Variants in PXDN observed in about 807,000 individuals in gnomAD.
PXDN encodes the protein peroxidasin, also known as peroxidasin homolog.
In PXDN, 77 loss-of-function variants were observed where a neutral mutation model predicts 140.3. That is an observed-to-expected ratio of 0.55 (90% confidence interval 0.46 to 0.66). The LOEUF is 0.66. Ranked by LOEUF, PXDN falls within the 30% of genes least tolerant of loss-of-function variation. The pLI, the probability that PXDN is intolerant of heterozygous loss-of-function variation, is 0.00. For synonymous variants in PXDN, 911 were observed against 857.4 expected (o/e 1.06, Z -1.09); for missense variants, 1,838 against 2,039.5 (o/e 0.90, Z 1.90).
Position 1,634,076 on chromosome 2 carries a change from A to G in PXDN, c.*128T>C, listed in dbSNP as rs919771186. On this transcript the variant is annotated 3_prime_UTR_variant, in exon 23 of 23. Coordinates refer to ENST00000252804, the MANE Select transcript of PXDN (RefSeq NM_012293.3). The stretch of plus-strand genomic sequence containing the variant: ...CTGCACTGCCTTCTGTAACAGCACC[A>G]GCTGGACGTTGTCATGAAATGTCAC... 3 of 1,397,624 alleles carry G rather than the reference A, an allele frequency of 2.1e-6. No homozygotes were observed. In the Admixed American group the frequency reaches 6.5e-5, roughly 30 times the overall value. 86.6% of individuals were successfully genotyped at this position (1,397,624 alleles called of 1,614,324 possible).
intron 9 of PXDN, 85 bp downstream of exon 9, chr2:1,673,558 T>C: frequency 1.3e-6 from 2 of 1,484,096 alleles, no homozygotes; most frequent in Non-Finnish European, 1.8e-6. Flanking sequence ...TTCATTCTTA[T>C]TTTGGGGTGC....
At chr2:1,730,117 A>G (rs1484599133) in intron 1 of PXDN, among the ~76,000 whole-genome samples, 1 of 152,228 alleles carries the variant, frequency 6.6e-6, no homozygotes, top group Non-Finnish European at 1.5e-5. Flanking sequence ...TCTGAGAACA[A>G]AGCCCAGCTA....
chr2:1,677,932 G>A (rs915305704), intron 7 of PXDN, among the ~76,000 whole-genome samples: 20 of 152,248 alleles, frequency 1.3e-4, no homozygotes, highest in African/African-American at 4.8e-4. Context: ...GAGTGTGTGT[G>A]TGTGTGCAGC....
intron 9 of PXDN, among the ~76,000 whole-genome samples, chr2:1,670,464 A>T (rs1183786639): frequency 6.6e-6 from 1 of 152,224 alleles, no homozygotes; most frequent in East Asian, 1.9e-4. Flanking sequence ...AGGGAATAGG[A>T]GTTGAGCGGA....
At chr2:1,725,670 C>T (rs1278422676) in intron 1 of PXDN, among the ~76,000 whole-genome samples, 1 of 152,156 alleles carries the variant, frequency 6.6e-6, no homozygotes, top group Non-Finnish European at 1.5e-5. Context: ...ATTTTCGCGA[C>T]CTACTCTTCT....
chr2:1,658,060 CTCT>C (rs1683199642), intron 14 of PXDN, among the ~76,000 whole-genome samples: 38 of 126,060 alleles, frequency 3.0e-4, no homozygotes, highest in South Asian at 5.6e-4. Flanking sequence ...CTCTCTCTCT[CTCT>C]CTCTCTCTCT....
chr2:1,739,575 C>A (rs184024832), intron 1 of PXDN, among the ~76,000 whole-genome samples: 1 of 152,178 alleles, frequency 6.6e-6, no homozygotes, highest in Non-Finnish European at 1.5e-5. Flanking sequence ...CATGTAGTCA[C>A]ATACTAGTTT....
At chr2:1,664,870 G>A (rs572777490) in intron 11 of PXDN, 88 bp downstream of exon 11, 17 of 1,154,134 alleles carry the variant, frequency 1.5e-5, no homozygotes, top group East Asian at 5.1e-5. Flanking sequence ...TCCAGAACAC[G>A]CTGGGGTTGC....
At chr2:1,736,061 T>C (rs1429091827) in intron 1 of PXDN, among the ~76,000 whole-genome samples, 1 of 152,234 alleles carries the variant, frequency 6.6e-6, no homozygotes, top group Non-Finnish European at 1.5e-5. Context: ...CAAACGTTCC[T>C]TCTGCAGCTT....
intron 6 of PXDN, among the ~76,000 whole-genome samples, chr2:1,681,518 A>G (rs971609779): frequency 5.9e-5 from 9 of 151,610 alleles, no homozygotes; most frequent in Non-Finnish European, 1.5e-5. Context: ...GGTGCTCACC[A>G]GGGCGGCAGC....
upstream of PXDN, chr2:1,744,545 T>G (rs1685647501): frequency 9.0e-7 from 1 of 1,113,776 alleles, no homozygotes; most frequent in African/African-American, 1.6e-5. Context: ...ACGTCCCAGC[T>G]GTGCGCGGGG....
intron 2 of PXDN, 116 bp from the exon 3 acceptor site, chr2:1,692,115 C>T (rs1684194411): frequency 2.7e-6 from 2 of 738,728 alleles, no homozygotes; most frequent in Non-Finnish European, 4.4e-6. Flanking sequence ...GTTACAGCCT[C>T]GCCATCAACA....
chr2:1,711,203 G>A (rs111161803), intron 1 of PXDN, among the ~76,000 whole-genome samples: 1,743 of 19,328 alleles, frequency 0.09, 299 homozygotes, highest in African/African-American at 0.22. Context: ...ACCAGCACCC[G>A]CTCCACCAGC....
At chr2:1,676,031 G>A (rs1050136443) in intron 8 of PXDN, among the ~76,000 whole-genome samples, 9 of 152,146 alleles carry the variant, frequency 5.9e-5, no homozygotes, top group Admixed American at 3.3e-4. Flanking sequence ...CTTTCAAAAG[G>A]TCACTTTGAA....
rs1293878038 is a variant in PXDN, at chr2:1,687,491, GTCA to G, written c.416+138_416+140del. 7.4e-5 allele frequency: 40 copies of G among 538,414 alleles called. No homozygotes were observed. The East Asian group carries it at 1.3e-3, about 17-fold the overall frequency. 33.4% of individuals were successfully genotyped at this position (538,414 alleles called of 1,614,324 possible). A position where few individuals can be genotyped will look rare whatever the true frequency, so the allele number is the denominator to read the frequency against. ...ATGACTCGCCCATCCCTGTTTTTCC[GTCA>G]TCATGCACGTACTCCCCGCACCTCA... On this transcript the variant is annotated intron_variant, in intron 4 of 22. Coordinates refer to ENST00000252804, the MANE Select transcript of PXDN (RefSeq NM_012293.3). The surrounding 1 kb of genome is among the most constrained non-coding windows in gnomAD (Gnocchi z 4.0).
chr2:1,677,564 C>G (rs919758826), intron 7 of PXDN, among the ~76,000 whole-genome samples: 1 of 152,184 alleles, frequency 6.6e-6, no homozygotes, highest in Non-Finnish European at 1.5e-5. Context: ...GGAGAATGGC[C>G]TCTCCTGCCT....
chr2:1,634,817 G>A (rs1682506544), intron 22 of PXDN, among the ~76,000 whole-genome samples: 1 of 152,210 alleles, frequency 6.6e-6, no homozygotes, highest in Admixed American at 6.5e-5. Context: ...CAAGAGAAGT[G>A]CCCGGGCTGG....
At chr2:1,677,773 C>T (rs1416478024) in intron 7 of PXDN, among the ~76,000 whole-genome samples, 1 of 152,258 alleles carries the variant, frequency 6.6e-6, no homozygotes, top group Non-Finnish European at 1.5e-5. Context: ...ACACCAAGGG[C>T]AGGCCTAGGC....
At position 1,658,062 on chromosome 2, in the gene PXDN, CT is replaced by C. The variant is rs1270817352; in HGVS notation, c.1837+2818del. ...TCTCTCTCTCTCTCTCTCTCTCTCT[CT>C]CTCTCTCTCTCTCTCTCTCTCTCTC... On this transcript the variant is annotated intron_variant, in intron 14 of 22. Transcript: ENST00000252804. Among the ~76,000 whole-genome samples the C allele has an allele frequency of 2.3e-3, 257 of 110,762 alleles. 29 individuals are homozygous for C. The highest frequency in any genetic ancestry group is 9.3e-3 in the Middle Eastern group (2 of 216). The allele number at this position is 110,762 out of a possible 152,430, so 72.7% of individuals were successfully genotyped here. A position where few individuals can be genotyped will look rare whatever the true frequency, so the allele number is the denominator to read the frequency against.
Sources: allele counts gnomAD v4.1 joint callset (sites outside exome capture counted in the v4.1 genomes callset), GRCh38; gene constraint gnomAD v4.1.1; non-coding constraint Gnocchi (gnomAD v3.1); transcripts MANE v1.5; gene names NCBI Gene and HGNC (gene_info 2026-07-23, HGNC 2026-07-21).